The following ADGRL3 variants were observed in gnomAD, a reference collection of about 807,000 sequenced individuals.
The protein encoded by ADGRL3 is adhesion G protein-coupled receptor L3.
A neutral mutation model predicts 153.5 loss-of-function variants in ADGRL3; 62 were observed. The observed-to-expected ratio is 0.40, with a 90% CI of 0.33 to 0.50. The LOEUF is 0.50. Ranked by LOEUF, ADGRL3 falls within the 20% of genes least tolerant of loss-of-function variation. The pLI is 0.47. For missense variants in ADGRL3, 1,641 were observed against 1,859.4 expected (o/e 0.88, Z 2.16); for synonymous variants, 710 against 672.5 (o/e 1.06, Z -0.86).
intron 19 of ADGRL3, among the ~76,000 whole-genome samples, chr4:61,987,331 G>T (rs779396947): frequency 6.6e-6 from 1 of 151,532 alleles, no homozygotes; most frequent in African/African-American, 2.4e-5. Context: ...GCACCACCAC[G>T]CCCGTCTAAT....
At position 61,730,881 on chromosome 4, in the gene ADGRL3, T is replaced by A. The variant is rs1215325770; in HGVS notation, c.598+245T>A. Among the ~76,000 whole-genome samples, 5 of 152,050 alleles carry A rather than the reference T, an allele frequency of 3.3e-5. No individual in the cohort carries two copies. In the East Asian group the frequency reaches 9.7e-4, roughly 29 times the overall value. On this transcript the variant is annotated intron_variant, in intron 7 of 26. Coordinates refer to ENST00000683033, the MANE Select transcript of ADGRL3 (RefSeq NM_001387552.1). ...TTTATTCCCCTTTATTTTTGAGTAG[T>A]TAGAAATCCAACTCATGGTGATGAA...
chr4:61,748,112 C>T (rs1397668603), intron 8 of ADGRL3, among the ~76,000 whole-genome samples: 1 of 151,444 alleles, frequency 6.6e-6, no homozygotes, highest in Non-Finnish European at 1.5e-5. Flanking sequence ...TTCACAATTG[C>T]TTCAAAGAGA....
chr4:61,787,255 C>A (rs1339601107), intron 8 of ADGRL3, among the ~76,000 whole-genome samples: 2 of 151,844 alleles, frequency 1.3e-5, no homozygotes, highest in Admixed American at 1.3e-4. Flanking sequence ...ATATGCTATC[C>A]AGACATTATT....
At chr4:61,987,579 C>T (rs924724155) in intron 19 of ADGRL3, among the ~76,000 whole-genome samples, 5 of 152,042 alleles carry the variant, frequency 3.3e-5, no homozygotes, top group Admixed American at 2.0e-4. Flanking sequence ...GCAGTGTTAC[C>T]TCCCTATGTA....
chr4:61,691,990 A>G (rs1201709710), intron 6 of ADGRL3, among the ~76,000 whole-genome samples: 1 of 152,138 alleles, frequency 6.6e-6, no homozygotes, highest in South Asian at 2.1e-4. Context: ...ACAGCTCAGG[A>G]AACAATTGAT....
At chr4:61,344,124 A>G (rs2095855622) in intron 1 of ADGRL3, among the ~76,000 whole-genome samples, 1 of 152,218 alleles carries the variant, frequency 6.6e-6, no homozygotes, top group Non-Finnish European at 1.5e-5. Context: ...TATGTGAGAT[A>G]GAAAGAGAGA....
intron 5 of ADGRL3, among the ~76,000 whole-genome samples, chr4:61,628,067 G>T (rs1424806258): frequency 6.6e-6 from 1 of 152,018 alleles, no homozygotes; most frequent in African/African-American, 2.4e-5. Context: ...TAATGATAAT[G>T]GTAATAGTAA....
At chr4:61,233,050 A>G (rs12511614) in intron 1 of ADGRL3, among the ~76,000 whole-genome samples, 60,252 of 151,766 alleles carry the variant, frequency 0.4, 13,035 homozygotes, top group Middle Eastern at 0.53. Flanking sequence ...AGATTTATCA[A>G]ACAGATTTAC....
At chr4:61,209,925 A>T (rs1239052020) in intron 1 of ADGRL3, among the ~76,000 whole-genome samples, 1 of 152,196 alleles carries the variant, frequency 6.6e-6, no homozygotes, top group Non-Finnish European at 1.5e-5. Flanking sequence ...CAGGATTTTC[A>T]TATTTTTAAA....
chr4:61,286,935 T>A (rs1505683), intron 1 of ADGRL3, among the ~76,000 whole-genome samples: 147,246 of 151,706 alleles, frequency 0.97, 71,621 homozygotes, highest in East Asian at 1. Context: ...AATTTTTGGT[T>A]ATCAGGATAT....
At chr4:61,497,689 T>TA (rs1352259504) in intron 3 of ADGRL3, among the ~76,000 whole-genome samples, 2 of 150,060 alleles carry the variant, frequency 1.3e-5, no homozygotes, top group East Asian at 3.9e-4. Flanking sequence ...CTAATTTTTT[T>TA]TTTTTTTTGT....
intron 2 of ADGRL3, among the ~76,000 whole-genome samples, chr4:61,486,473 C>T (rs1230524386): frequency 6.6e-6 from 1 of 152,058 alleles, no homozygotes; most frequent in Non-Finnish European, 1.5e-5. Flanking sequence ...ATTAGTCTAT[C>T]CTAATCATAA....
chr4:61,468,230 T>TTGC (rs2097907470), intron 2 of ADGRL3, among the ~76,000 whole-genome samples: 1 of 152,174 alleles, frequency 6.6e-6, no homozygotes, highest in Non-Finnish European at 1.5e-5. Flanking sequence ...GCTGCCACAG[T>TTGC]CTCTTAAGCA....
intron 5 of ADGRL3, among the ~76,000 whole-genome samples, chr4:61,626,992 T>C (rs963120728): frequency 1.3e-4 from 20 of 152,128 alleles, no homozygotes; most frequent in Admixed American, 3.9e-4. Flanking sequence ...TTTTTGCCAT[T>C]ATTTTTAATA....
chr4:61,354,960 A>G (rs1185305426), intron 1 of ADGRL3, among the ~76,000 whole-genome samples: 4 of 152,046 alleles, frequency 2.6e-5, no homozygotes, highest in Non-Finnish European at 4.4e-5. Flanking sequence ...GGCTGAATTG[A>G]TTGGAATATT....
At chr4:61,877,741 C>A (rs558412052) in intron 9 of ADGRL3, among the ~76,000 whole-genome samples, 46 of 152,222 alleles carry the variant, frequency 3.0e-4, no homozygotes, top group African/African-American at 1.1e-3. Context: ...TTTGTCTTCA[C>A]GTGGTCATCC....
At position 61,470,111 on chromosome 4, in the gene ADGRL3, G is replaced by A. The variant is rs952973860; in HGVS notation, c.-173-27010G>A. Among the ~76,000 whole-genome samples the A allele has an allele frequency of 5.3e-5, 8 of 151,966 alleles. No individual in the cohort carries two copies. In the South Asian group the frequency reaches 1.5e-3, roughly 28 times the overall value. ...ACGTATTATAAATCATACTCCTAAT[G>A]GGAGTATGAAAGAGTAAACATTAAC... On this transcript the variant is annotated intron_variant, in intron 2 of 26. Coordinates refer to ENST00000683033, the MANE Select transcript of ADGRL3 (RefSeq NM_001387552.1).
At chr4:61,767,704 G>A (rs987491512) in intron 8 of ADGRL3, among the ~76,000 whole-genome samples, 2 of 152,148 alleles carry the variant, frequency 1.3e-5, no homozygotes, top group Non-Finnish European at 2.9e-5. Context: ...GAGGAATCCT[G>A]GGCTGCGGGT....
intron 1 of ADGRL3, among the ~76,000 whole-genome samples, chr4:61,252,151 G>A (rs1759545463): frequency 6.6e-6 from 1 of 152,036 alleles, no homozygotes; most frequent in African/African-American, 2.4e-5. Context: ...CCAAAGTGTT[G>A]GGATTACAGG....
Sources: gnomAD v4.1 joint callset for allele counts (sites outside exome capture counted in the v4.1 genomes callset) on GRCh38, gnomAD v4.1.1 for gene constraint, MANE v1.5 for transcripts, NCBI Gene and HGNC (gene_info 2026-07-23, HGNC 2026-07-21) for gene names.